Variants in GC observed in about 807,000 individuals in gnomAD.
The protein encoded by GC is GC vitamin D binding protein.
In GC, 43 loss-of-function variants were observed where a neutral mutation model predicts 56.7. That is an observed-to-expected ratio of 0.76 (90% CI 0.59 to 0.98). The LOEUF (loss-of-function observed/expected upper bound fraction) is 0.98, where lower values mean the gene tolerates loss of function less well. Ranked by LOEUF, GC falls within the 50% of genes least tolerant of loss-of-function variation. The pLI, the probability that GC is intolerant of heterozygous loss-of-function variation, is 0.00. For synonymous variants in GC, 216 were observed against 202.7 expected, an observed-to-expected ratio of 1.07 and a Z score of -0.56; for missense variants, 529 against 545.9, an observed-to-expected ratio of 0.97 and a Z score of 0.31.
chr4:71,789,693 G>A (rs1366391043), intron 1 of GC, among the ~76,000 whole-genome samples: 1 of 151,870 alleles, frequency 6.6e-6, no homozygotes, highest in African/African-American at 2.4e-5. Flanking sequence ...TATGTTACCT[G>A]GCAAGGGGGA....
chr4:71,787,412 G>A (rs930369703), upstream of GC, among the ~76,000 whole-genome samples: 16 of 151,756 alleles, frequency 1.1e-4, no homozygotes, highest in Middle Eastern at 3.4e-3. Context: ...TCTATTTTAC[G>A]TGTCTGTTGT....
intron 1 of GC, among the ~76,000 whole-genome samples, chr4:71,781,020 T>G (rs1187077499): frequency 2.0e-5 from 3 of 152,062 alleles, no homozygotes; most frequent in African/African-American, 7.2e-5. Context: ...ATTTAAAAAA[T>G]GTGGCACATA....
chr4:71,756,116 T>A (rs6822493), intron 8 of GC, among the ~76,000 whole-genome samples: 26,051 of 150,640 alleles, frequency 0.17, 3,895 homozygotes, highest in African/African-American at 0.41. Context: ...AAGAAAAAAA[T>A]ATTCTGTGCT....
At chr4:71,797,828 A>G (rs1743145742) in intron 1 of GC, among the ~76,000 whole-genome samples, 1 of 152,226 alleles carries the variant, frequency 6.6e-6, no homozygotes. Flanking sequence ...TTCTCTTTAT[A>G]TCTGTCTTGA....
intron 1 of GC, among the ~76,000 whole-genome samples, chr4:71,773,383 T>C (rs1354759354): frequency 1.3e-5 from 2 of 152,100 alleles, no homozygotes; most frequent in Non-Finnish European, 2.9e-5. Context: ...AGGAAATCTT[T>C]GCTGCTTCAG....
chr4:71,751,996 AATT>A (rs1741571507), intron 11 of GC, among the ~76,000 whole-genome samples: 1 of 152,088 alleles, frequency 6.6e-6, no homozygotes, highest in Non-Finnish European at 1.5e-5. Flanking sequence ...ATATTTTTAT[AATT>A]AACATATTAA....
intron 1 of GC, among the ~76,000 whole-genome samples, chr4:71,781,802 G>C (rs1474403888): frequency 2.6e-5 from 4 of 151,790 alleles, no homozygotes; most frequent in Non-Finnish European, 5.9e-5. Flanking sequence ...TCTTCTCCAA[G>C]ATGTACCCAG....
At chr4:71,787,846 C>G (rs1742876495), upstream of GC, among the ~76,000 whole-genome samples, 1 of 151,782 alleles carries the variant, frequency 6.6e-6, no homozygotes. Context: ...GATATTAATG[C>G]CAATATCCAA....
At chr4:71,804,918 AG>A (rs1161445856), upstream of GC, among the ~76,000 whole-genome samples, 2 of 13,046 alleles carry the variant, frequency 1.5e-4, no homozygotes, top group African/African-American at 2.2e-4. Flanking sequence ...GGGCTGAGGG[AG>A]GAGGAGGAGG....
At chr4:71,800,947 G>A (rs948103720) in intron 1 of GC, among the ~76,000 whole-genome samples, 1 of 152,012 alleles carries the variant, frequency 6.6e-6, no homozygotes, top group Non-Finnish European at 1.5e-5. Context: ...TTTTAGATAC[G>A]ATACCAAAAG....
chr4:71,769,333 A>G lies in GC; in HGVS notation c.126T>C (p.Ser42=), dbSNP rs1245817667. The part of the protein sequence containing the change: ...FSHLGKEDFT[S]LSLVLYSRKF... The stretch of plus-strand genomic sequence containing the variant: ...GTGAGTGGCTGCTGCACACTTACAG[A>G]GATGTGAAGTCCTCCTTTCCCAGAT... Residue 42 remains serine (S), a splice_region_variant and synonymous_variant, in exon 2 of 13, where the codon TCT becomes TCC. Transcript: ENST00000273951. 6.2e-7 allele frequency: 1 copy of G among 1,604,394 alleles called. No individual in the cohort carries two copies.
intron 1 of GC, among the ~76,000 whole-genome samples, chr4:71,790,365 C>T (rs530400801): frequency 5.3e-5 from 8 of 152,010 alleles, no homozygotes; most frequent in Non-Finnish European, 1.0e-4. Flanking sequence ...CATATTTTTA[C>T]TTTCAATCTA....
intron 12 of GC, among the ~76,000 whole-genome samples, 197 bp from the exon 13 acceptor site, chr4:71,742,067 C>A (rs1741201869): frequency 6.6e-6 from 1 of 152,082 alleles, no homozygotes; most frequent in African/African-American, 2.4e-5. Flanking sequence ...TAAGACAGTC[C>A]AAATACCAGT....
At chr4:71,753,703 T>C (rs1242525609) in intron 10 of GC, among the ~76,000 whole-genome samples, 1 of 152,232 alleles carries the variant, frequency 6.6e-6, no homozygotes, top group African/African-American at 2.4e-5. Flanking sequence ...TATAACATTA[T>C]TGGTAGTTAA....
intron 7 of GC, 76 bp downstream of exon 7, chr4:71,757,966 A>C: frequency 1.6e-6 from 2 of 1,231,974 alleles, no homozygotes; most frequent in Non-Finnish European, 2.3e-6. Context: ...AATAGAACTT[A>C]GAAGAGTACC....
At chr4:71,743,717 T>A (rs1251333955) in intron 12 of GC, among the ~76,000 whole-genome samples, 3 of 152,232 alleles carry the variant, frequency 2.0e-5, no homozygotes, top group Non-Finnish European at 2.9e-5. Flanking sequence ...GAACAAGGTA[T>A]AATTTGCTTT....
chr4:71,794,635 G>T (rs1553951747), intron 1 of GC, among the ~76,000 whole-genome samples: 1 of 151,746 alleles, frequency 6.6e-6, no homozygotes, highest in Non-Finnish European at 1.5e-5. Context: ...TTTTTGAAGG[G>T]TTTTTTTGTG....
chr4:71,794,966 T>C (rs927290129), intron 1 of GC, among the ~76,000 whole-genome samples: 1 of 152,196 alleles, frequency 6.6e-6, no homozygotes, highest in Non-Finnish European at 1.5e-5. Context: ...ACTTGTGCAG[T>C]GTTGAGTGAG....
At chr4:71,770,808 T>C (rs1742319210) in intron 1 of GC, among the ~76,000 whole-genome samples, 1 of 152,174 alleles carries the variant, frequency 6.6e-6, no homozygotes, top group South Asian at 2.1e-4. Flanking sequence ...TTTTTGACTA[T>C]TAAATGTAAC....
Sources: allele counts gnomAD v4.1 joint callset (sites outside exome capture counted in the v4.1 genomes callset), GRCh38; gene constraint gnomAD v4.1.1; transcripts MANE v1.5; gene names NCBI Gene and HGNC (gene_info 2026-07-23, HGNC 2026-07-21).